BRCA1: variants seen among roughly 807,000 people sequenced by gnomAD.
BRCA1 encodes breast cancer type 1 susceptibility protein.
A neutral mutation model predicts 173.7 loss-of-function variants in BRCA1; 140 were observed. That is an observed-to-expected ratio of 0.81 (90% CI 0.70 to 0.93). The LOEUF is 0.93. Ranked by LOEUF, BRCA1 falls within the 40% of genes least tolerant of loss-of-function variation. The pLI is 0.00. For missense variants in BRCA1, 1,983 were observed against 2,172.5 expected (o/e 0.91, Z 1.73); for synonymous variants, 662 against 756.0 (o/e 0.88, Z 2.04).
chr17:43,078,901 G>T (rs1028214213), intron 12 of BRCA1, among the ~76,000 whole-genome samples: 4 of 152,074 alleles, frequency 2.6e-5, no homozygotes, highest in Non-Finnish European at 4.4e-5. Context: ...TTAACCATTG[G>T]AAAGAGTTAA....
intron 2 of BRCA1, among the ~76,000 whole-genome samples, chr17:43,121,821 T>C (rs2055592807): frequency 6.6e-6 from 1 of 152,034 alleles, no homozygotes; most frequent in South Asian, 2.1e-4. Flanking sequence ...TTTTTATGTA[T>C]CTGAGTTTTT....
chr17:43,128,181 T>C (rs1480148848), upstream of BRCA1, among the ~76,000 whole-genome samples: 1 of 128,490 alleles, frequency 7.8e-6, no homozygotes, highest in Non-Finnish European at 1.7e-5. Flanking sequence ...ATTTATCTGC[T>C]GGTAACACCG....
chr17:43,163,705 C>A (rs1423904346), intron 1 of BRCA1: 2 of 152,232 alleles, frequency 1.3e-5, no homozygotes, highest in Non-Finnish European at 2.9e-5. Flanking sequence ...AGGTCCACCA[C>A]AATACCACCA....
chr17:43,102,692 G>A (rs1459042966), intron 6 of BRCA1, among the ~76,000 whole-genome samples: 1 of 149,274 alleles, frequency 6.7e-6, no homozygotes, highest in Non-Finnish European at 1.5e-5. Flanking sequence ...TTGCTTTGCC[G>A]CCCACGCTGA....
Position 43,099,774 on chromosome 17 carries a change from C to A in BRCA1, c.547+1G>T, listed in dbSNP as rs80358030. The A allele has an allele frequency of 1.2e-6, 2 of 1,601,044 alleles. No homozygotes were observed. Among genetic ancestry groups the A allele is most frequent in the Non-Finnish European group, 1.7e-6 (2 of 1,168,252 alleles). ...ATACTTAAAAAACCTGAGACCCTTA[C>A]CCAATTCAATGTAGACAGACGTCTT... On this transcript the variant is annotated splice_donor_variant, in intron 7 of 22. Coordinates refer to ENST00000357654, the MANE Select transcript of BRCA1 (RefSeq NM_007294.4). LOFTEE classifies it high-confidence loss of function.
At chr17:43,096,006 G>A in intron 8 of BRCA1, 84 bp from the exon 9 acceptor site, 1 of 1,149,376 alleles carries the variant, frequency 8.7e-7, no homozygotes, top group Non-Finnish European at 1.3e-6. Flanking sequence ...AAACATTTTA[G>A]CTCTTTCGAT....
chr17:43,154,890 A>C (rs193150223), intron 1 of BRCA1, among the ~76,000 whole-genome samples: 139 of 152,036 alleles, frequency 9.1e-4, no homozygotes, highest in African/African-American at 3.3e-3. Flanking sequence ...ACATGGGGGG[A>C]GTCAGGAAAG....
chr17:43,169,608 G>A (rs1051836252), intron 1 of BRCA1, among the ~76,000 whole-genome samples: 3 of 150,892 alleles, frequency 2.0e-5, no homozygotes, highest in Non-Finnish European at 3.0e-5. Flanking sequence ...CCCCTTCCCC[G>A]GGGGGTTCAC....
chr17:43,057,623 CAGG>C (rs1201205953), intron 18 of BRCA1, among the ~76,000 whole-genome samples: 8 of 151,806 alleles, frequency 5.3e-5, no homozygotes, highest in Admixed American at 4.6e-4. Context: ...ATCACGAGGT[CAGG>C]AGATCGAGAC....
intron 3 of BRCA1, among the ~76,000 whole-genome samples, chr17:43,111,565 T>C (rs1351080130): frequency 6.7e-6 from 1 of 149,480 alleles, no homozygotes; most frequent in Non-Finnish European, 1.5e-5. Context: ...CTCACACTTG[T>C]AATCCCAGAA....
rs1555588796 is a variant in BRCA1 at position 43,092,653 on chromosome 17, C to T, written c.2878G>A (p.Gly960Ser). The change falls in exon 10 of 23, where the codon GGC (glycine) becomes AGC (serine). Residue 960 changes from glycine (G) to serine (S), a missense_variant. Physicochemically the swap from Gly to Ser is moderately conservative, Grantham distance 56. Coordinates refer to ENST00000357654, the MANE Select transcript of BRCA1 (RefSeq NM_007294.4). ...GGAGTAATGAGTCCAGTTTCGTTGC[C>T]TCTGAACTGAGATGATAGACAAAAC... Reference protein sequence around the residue: ...SRFCLSSQFRGNETGLITPNK... With the variant: ...SRFCLSSQFRSNETGLITPNK... 6.2e-7 allele frequency: 1 copy of T among 1,614,008 alleles called. No individual in the cohort carries two copies. The highest frequency in any genetic ancestry group is 1.1e-5 in the South Asian group (1 of 91,066).
At position 43,106,441 on chromosome 17, in the gene BRCA1, T is replaced by C. The variant is rs587780797; in HGVS notation, c.212+15A>G. The C allele has an allele frequency of 6.5e-7, 1 of 1,530,706 alleles. No homozygotes were observed. Among genetic ancestry groups the C allele is most frequent in the Non-Finnish European group, 9.0e-7 (1 of 1,108,182 alleles). The allele number at this position is 1,530,706 out of a possible 1,614,324, so 94.8% of individuals were successfully genotyped here. On this transcript the variant is annotated intron_variant, in intron 4 of 22. Coordinates refer to ENST00000357654, the MANE Select transcript of BRCA1 (RefSeq NM_007294.4). ...GTGGTTGCTTCCAACCTAGCATCAT[T>C]ACCAAATTATATACCTTTTGGTTAT...
At chr17:43,134,161 T>G (rs1466684976) in intron 1 of BRCA1, among the ~76,000 whole-genome samples, 1 of 152,174 alleles carries the variant, frequency 6.6e-6, no homozygotes, top group East Asian at 1.9e-4. Flanking sequence ...ACAAGTCACA[T>G]GATAATGTAA....
Position 43,091,477 on chromosome 17 carries a change from C to G in BRCA1, c.4054G>C (p.Glu1352Gln), listed in dbSNP as rs80357202. The part of the protein sequence containing the change: ...SDDEERGTGL[E>Q]ENNQEEQSMD... ...CTTTGCTCTTCTTGATTATTTTCTTCCAAGCCCGTTCCTCTTTCTTCATCA... is the reference window on the plus strand; with the variant it reads ...CTTTGCTCTTCTTGATTATTTTCTTGCAAGCCCGTTCCTCTTTCTTCATCA... The change falls in exon 10 of 23, where the codon GAA becomes CAA. Residue 1352 changes from glutamate (E) to glutamine (Q), a missense_variant. By Grantham distance (29) the Glu-to-Gln change is conservative. Transcript: ENST00000357654. 1 of 1,613,630 alleles carries G rather than the reference C, an allele frequency of 6.2e-7. No individual in the cohort carries two copies. Among genetic ancestry groups the G allele is most frequent in the Non-Finnish European group, 8.5e-7 (1 of 1,179,764 alleles).
upstream of BRCA1, among the ~76,000 whole-genome samples, chr17:43,127,211 C>A (rs983083781): frequency 6.6e-6 from 1 of 152,220 alleles, no homozygotes; most frequent in Non-Finnish European, 1.5e-5. Context: ...AGTGCAGGCG[C>A]CCGGCACAGC....
In BRCA1 at chr17:43,094,617, C is replaced by A. The variant is rs751124745; in HGVS notation, c.914G>T (p.Cys305Phe). 6.8e-6 allele frequency: 11 copies of A among 1,614,146 alleles called. No homozygotes were observed. The highest frequency in any genetic ancestry group is 8.5e-6 in the Non-Finnish European group (10 of 1,180,022). Reference protein sequence around the residue: ...DRMNVEKAEFCNKSKQPGLAR... With the variant: ...DRMNVEKAEFFNKSKQPGLAR... ...TAAGCCAGGCTGTTTGCTTTTATTA[C>A]AGAATTCAGCCTTTTCTACATTCAT... The change falls in exon 10 of 23, where the codon TGT (cysteine) becomes TTT (phenylalanine). Residue 305 changes from cysteine (C) to phenylalanine (F), a missense_variant. Physicochemically the swap from Cys to Phe is radical, Grantham distance 205. Coordinates refer to ENST00000357654, the MANE Select transcript of BRCA1 (RefSeq NM_007294.4).
rs902816202 is a variant in BRCA1, at chr17:43,045,211, A to G, written c.*467T>C. ...GACTATTCTGACTTTAAGTCACATA[A>G]TCGATCCCAAGCACTCTCCTTCCAT... On this transcript the variant is annotated 3_prime_UTR_variant, in exon 23 of 23. Transcript: ENST00000357654. 7.4e-6 allele frequency: 4 copies of G among 537,416 alleles called. No homozygotes were observed. The highest frequency in any genetic ancestry group is 2.2e-5 in the Admixed American group (1 of 45,122). The allele number at this position is 537,416 out of a possible 1,614,324, so 33.3% of individuals were successfully genotyped here. A position where few individuals can be genotyped will look rare whatever the true frequency, so the allele number is the denominator to read the frequency against.
chr17:43,100,596 T>G (rs10445318), intron 6 of BRCA1, among the ~76,000 whole-genome samples: 26 of 49,840 alleles, frequency 5.2e-4, no homozygotes, highest in African/African-American at 2.1e-3. Context: ...ATATATATAT[T>G]ATATATATAT....
intron 11 of BRCA1, among the ~76,000 whole-genome samples, chr17:43,084,338 G>C (rs953051688): frequency 6.6e-6 from 1 of 150,892 alleles, no homozygotes; most frequent in African/African-American, 2.4e-5. Flanking sequence ...CCTAATTTTT[G>C]TATTTTTAGT....
Sources: gnomAD v4.1 joint callset for allele counts (sites outside exome capture counted in the v4.1 genomes callset) on GRCh38, gnomAD v4.1.1 for gene constraint, MANE v1.5 for transcripts, NCBI Gene and HGNC (gene_info 2026-07-23, HGNC 2026-07-21) for gene names.